Variants in HYDIN observed in about 807,000 individuals in gnomAD.
The protein encoded by HYDIN is axonemal central pair apparatus protein HYDIN.
HYDIN carries 132 observed loss-of-function variants against 403.9 expected under a neutral mutation model. The ratio of observed to expected loss-of-function variants is 0.33; its 90% CI spans 0.28 to 0.38. The LOEUF (loss-of-function observed/expected upper bound fraction) is 0.38, where lower values mean the gene tolerates loss of function less well. Among genes scored for constraint, HYDIN ranks in the 10% least tolerant of loss-of-function variants. The pLI, the probability that HYDIN is intolerant of heterozygous loss-of-function variation, is 1.00. For missense variants in HYDIN, 2,827 were observed against 5,009.5 expected (o/e 0.56, Z 13.15); for synonymous variants, 1,202 against 1,891.7 (o/e 0.64, Z 9.46).
chr16:71,011,814 C>T, intron 23 of HYDIN, among the ~76,000 whole-genome samples: 1 of 150,946 alleles, frequency 6.6e-6, no homozygotes, highest in African/African-American at 2.5e-5. Flanking sequence ...CCTTCTTCAG[C>T]CTCCTTCCAG....
chr16:70,994,469 T>A (rs1031992342), intron 23 of HYDIN, among the ~76,000 whole-genome samples: 24 of 152,300 alleles, frequency 1.6e-4, no homozygotes, highest in Admixed American at 1.4e-3. Context: ...GGCCTGAGCT[T>A]CCATTTGACT....
chr16:70,998,253 T>C (rs1267138913), intron 23 of HYDIN, among the ~76,000 whole-genome samples: 1 of 151,950 alleles, frequency 6.6e-6, no homozygotes, highest in African/African-American at 2.4e-5. Context: ...ATGAAAACAT[T>C]TCAAGTATAT....
At chr16:71,019,827 C>T (rs1437941240) in intron 22 of HYDIN, among the ~76,000 whole-genome samples, 1 of 152,228 alleles carries the variant, frequency 6.6e-6, no homozygotes, top group Non-Finnish European at 1.5e-5. Context: ...ACATTATTTT[C>T]TAAAAAACAC....
chr16:70,979,006 T>C lies in HYDIN; in HGVS notation c.4546A>G (p.Arg1516Gly), dbSNP rs568629166. Residue 1516 changes from arginine (R) to glycine (G), a missense_variant, in exon 30 of 86, where the codon AGG becomes GGG. Physicochemically the swap from Arg to Gly is moderately radical, Grantham distance 125. Coordinates refer to ENST00000393567, the MANE Select transcript of HYDIN (RefSeq NM_001270974.2). ...TTATACTCTTTGTCTGTGTTTTTCC[T>C]GGCTTGATTCAAGAACATTTCATAC... is the stretch of plus-strand genomic sequence containing the variant. ...EKYEMFLNQA[R>G]KNTDKEYNKC... 31 of 1,613,472 alleles carry C rather than the reference T, an allele frequency of 1.9e-5. No homozygotes were observed. The African/African-American group carries it at 3.6e-4, about 19-fold the overall frequency.
intron 83 of HYDIN, among the ~76,000 whole-genome samples, chr16:70,822,638 A>G (rs2036339766): frequency 1.3e-5 from 2 of 152,220 alleles, no homozygotes; most frequent in African/African-American, 2.4e-5. Flanking sequence ...GTTAATTTAT[A>G]TGGCAAATTT....
At chr16:71,007,689 T>C (rs988194687) in intron 23 of HYDIN, among the ~76,000 whole-genome samples, 1 of 134,466 alleles carries the variant, frequency 7.4e-6, no homozygotes. Context: ...GGAATGCTTA[T>C]ACATTGTTGG....
In HYDIN at chr16:71,186,848, T is replaced by C. The variant is rs1017210785; in HGVS notation, c.48A>G (p.Gly16=). 3 of 1,613,280 alleles carry C rather than the reference T, an allele frequency of 1.9e-6. No homozygotes were observed. Among genetic ancestry groups the C allele is most frequent in the Admixed American group, 1.7e-5 (1 of 59,986 alleles). Residue 16 remains glycine, a synonymous_variant, in exon 2 of 86, where the codon GGA becomes GGG. Transcript: ENST00000393567. Reference sequence around the variant, plus strand: ...GAAATCCTTTGAACATATTGACCAATCCCATCTGAACAGCCCCCATGGACT... The same window carrying C: ...GAAATCCTTTGAACATATTGACCAACCCCATCTGAACAGCCCCCATGGACT... ...LEESMGAVQM[G]LVNMFKGFQS... is the part of the protein sequence containing the mutation.
chr16:71,124,756 ACCCTTTTCTTTTC>A (rs1282151736), intron 9 of HYDIN, among the ~76,000 whole-genome samples: 1 of 151,416 alleles, frequency 6.6e-6, no homozygotes, highest in African/African-American at 2.4e-5. Context: ...CCTCTTCATC[ACCCTTTTCTTTTC>A]TTTTTACTTT....
intron 80 of HYDIN, among the ~76,000 whole-genome samples, chr16:70,831,576 C>T (rs964727724): frequency 2.9e-5 from 4 of 138,208 alleles, no homozygotes; most frequent in South Asian, 4.8e-4. Flanking sequence ...AAGGAGAAGC[C>T]GGTGAGTAGG....
intron 1 of HYDIN, among the ~76,000 whole-genome samples, chr16:71,193,812 T>C (rs2087558116): frequency 6.6e-6 from 1 of 152,170 alleles, no homozygotes; most frequent in South Asian, 2.1e-4. Context: ...CTTTGCTTTT[T>C]CTTTATCTTA....
chr16:70,901,270 CTTTTG>C (rs2076369900), intron 52 of HYDIN, 68 bp from the exon 53 acceptor site: 1 of 1,338,948 alleles, frequency 7.5e-7, no homozygotes, highest in South Asian at 1.3e-5. Flanking sequence ...TTTTTTTTAA[CTTTTG>C]TTTTAGGTTC....
intron 50 of HYDIN, among the ~76,000 whole-genome samples, chr16:70,904,531 G>GTTTTTTTTTTTTTTTTTTTTT (rs1567802705): frequency 4.4e-5 from 1 of 22,746 alleles, no homozygotes; most frequent in Non-Finnish European, 8.0e-5. Context: ...AGGGAGTTTC[G>GTTTTTTTTTTTTTTTTTTTTT]TTCTTGTTGC....
At chr16:70,993,892 T>C (rs201597822) in intron 23 of HYDIN, among the ~76,000 whole-genome samples, 1 of 152,164 alleles carries the variant, frequency 6.6e-6, no homozygotes, top group East Asian at 1.9e-4. Context: ...GATATCACAT[T>C]GTGGTATTCA....
chr16:71,201,689 G>C (rs1454217204), intron 1 of HYDIN, among the ~76,000 whole-genome samples: 3 of 152,218 alleles, frequency 2.0e-5, no homozygotes, highest in Non-Finnish European at 4.4e-5. Flanking sequence ...CCCCTAGGAG[G>C]GGAGAGGCTG....
At chr16:70,971,005 CA>C (rs1161687489) in intron 35 of HYDIN, among the ~76,000 whole-genome samples, 2 of 152,124 alleles carry the variant, frequency 1.3e-5, no homozygotes, top group Non-Finnish European at 2.9e-5. Context: ...GCACTTGTAC[CA>C]AGTGCTTCAT....
At chr16:70,841,466 T>C (rs2037815323) in intron 75 of HYDIN, among the ~76,000 whole-genome samples, 1 of 151,946 alleles carries the variant, frequency 6.6e-6, no homozygotes, top group Non-Finnish European at 1.5e-5. Context: ...AAGAAAACAG[T>C]GGAGCTTCCC....
chr16:70,981,285 G>T, intron 29 of HYDIN, 106 bp downstream of exon 29: 2 of 1,462,814 alleles, frequency 1.4e-6, no homozygotes, highest in Non-Finnish European at 1.8e-6. Context: ...GAGAACCACA[G>T]GGCATTTCCA....
chr16:70,944,587 A>T (rs2077791599), intron 41 of HYDIN, among the ~76,000 whole-genome samples: 1 of 152,106 alleles, frequency 6.6e-6, no homozygotes, highest in African/African-American at 2.4e-5. Context: ...GCTGGAACTG[A>T]GTGAGCAATG....
intron 45 of HYDIN, among the ~76,000 whole-genome samples, chr16:70,931,503 G>C (rs2143847029): frequency 6.6e-6 from 1 of 152,064 alleles, no homozygotes; most frequent in East Asian, 1.9e-4. Flanking sequence ...GCATGAATGT[G>C]ACCTGGGACT....
Sources: allele counts gnomAD v4.1 joint callset (sites outside exome capture counted in the v4.1 genomes callset), GRCh38; gene constraint gnomAD v4.1.1; transcripts MANE v1.5; gene names NCBI Gene and HGNC (gene_info 2026-07-23, HGNC 2026-07-21).